The following SPHKAP variants were observed in gnomAD, a reference collection of about 807,000 sequenced individuals.
SPHKAP encodes A-kinase anchor protein SPHKAP.
A neutral mutation model predicts 137.5 loss-of-function variants in SPHKAP; 67 were observed. The ratio of observed to expected loss-of-function variants is 0.49; its 90% CI spans 0.40 to 0.60. The LOEUF is 0.60. Ranked by LOEUF, SPHKAP falls within the 20% of genes least tolerant of loss-of-function variation. SPHKAP has a pLI of 0.00. For missense variants in SPHKAP, 2,097 were observed against 2,069.3 expected, an observed-to-expected ratio of 1.01 and a Z score of -0.26; for synonymous variants, 813 against 785.3, an observed-to-expected ratio of 1.04 and a Z score of -0.59.
At chr2:228,172,249 A>T (rs1296981319) in intron 1 of SPHKAP, among the ~76,000 whole-genome samples, 2 of 152,216 alleles carry the variant, frequency 1.3e-5, no homozygotes, top group Non-Finnish European at 2.9e-5. Context: ...AAATAGCAGC[A>T]GCTAGATTGT....
At chr2:228,105,126 G>A (rs999975522) in intron 3 of SPHKAP, among the ~76,000 whole-genome samples, 2 of 152,068 alleles carry the variant, frequency 1.3e-5, no homozygotes, top group Admixed American at 6.5e-5. Context: ...GCACCACTAT[G>A]CCCAGCTAAG....
At chr2:228,037,297 C>A (rs559488338) in intron 3 of SPHKAP, among the ~76,000 whole-genome samples, 11 of 152,262 alleles carry the variant, frequency 7.2e-5, no homozygotes, top group Admixed American at 5.2e-4. Flanking sequence ...GTTGACTGGG[C>A]ATCAAAGAGG....
intron 3 of SPHKAP, among the ~76,000 whole-genome samples, chr2:228,070,767 G>T (rs1011074915): frequency 6.6e-6 from 1 of 152,082 alleles, no homozygotes; most frequent in Non-Finnish European, 1.5e-5. Context: ...TGATTTTCAT[G>T]AAGTTCTTTT....
intron 1 of SPHKAP, among the ~76,000 whole-genome samples, chr2:228,170,943 GA>G (rs1700566058): frequency 6.6e-6 from 1 of 152,026 alleles, no homozygotes; most frequent in Non-Finnish European, 1.5e-5. Context: ...ATTATAATAA[GA>G]GGTCAATATC....
chr2:228,117,403 C>T (rs1274989187), intron 2 of SPHKAP, among the ~76,000 whole-genome samples: 1 of 152,050 alleles, frequency 6.6e-6, no homozygotes. Context: ...GGGCATCACT[C>T]AGAGGAGACT....
intron 3 of SPHKAP, among the ~76,000 whole-genome samples, chr2:228,059,242 C>T (rs901816723): frequency 6.6e-6 from 1 of 152,132 alleles, no homozygotes; most frequent in Non-Finnish European, 1.5e-5. Context: ...AATTTTCATT[C>T]CACTCGATTA....
intron 7 of SPHKAP, among the ~76,000 whole-genome samples, chr2:228,001,475 A>G (rs1218006542): frequency 6.9e-6 from 1 of 143,982 alleles, no homozygotes; most frequent in Non-Finnish European, 1.5e-5. Context: ...GTATATATAA[A>G]AATATATATA....
intron 3 of SPHKAP, among the ~76,000 whole-genome samples, chr2:228,079,319 C>T (rs968271424): frequency 1.3e-5 from 2 of 152,216 alleles, no homozygotes; most frequent in Admixed American, 1.3e-4. Flanking sequence ...CACTCACCTC[C>T]TGTTGCATGG....
In SPHKAP at chr2:228,120,308, C is replaced by T. The variant is rs1470601590; in HGVS notation, c.139-11369G>A. On this transcript the variant is annotated intron_variant, in intron 2 of 11. Transcript: ENST00000392056. Reference sequence around the variant, plus strand: ...TAGGAGAGTCCTTATCTATGAAATGCTTTTTGCAATATATACCTGGTCTAA... The same window carrying T: ...TAGGAGAGTCCTTATCTATGAAATGTTTTTTGCAATATATACCTGGTCTAA... Among the ~76,000 whole-genome samples, 3 of 152,214 alleles carry T rather than the reference C, an allele frequency of 2.0e-5. No individual in the cohort carries two copies. In the East Asian group the frequency reaches 5.8e-4, roughly 29 times the overall value.
At chr2:228,157,806 T>C (rs1201392874) in intron 1 of SPHKAP, among the ~76,000 whole-genome samples, 1 of 152,164 alleles carries the variant, frequency 6.6e-6, no homozygotes, top group African/African-American at 2.4e-5. Flanking sequence ...GGCAAAATAT[T>C]TTCAGACTGT....
At chr2:228,149,576 G>A (rs1012639497) in intron 1 of SPHKAP, among the ~76,000 whole-genome samples, 11 of 152,164 alleles carry the variant, frequency 7.2e-5, no homozygotes, top group African/African-American at 2.7e-4. Flanking sequence ...TAGGGAAGAA[G>A]GAGCAACCAT....
intron 11 of SPHKAP, among the ~76,000 whole-genome samples, chr2:227,984,960 C>A (rs527595598): frequency 6.6e-6 from 1 of 152,280 alleles, no homozygotes; most frequent in South Asian, 2.1e-4. Context: ...CAACTTTTAT[C>A]TCTGAGTCAT....
chr2:227,982,051 A>ATTTTTT (rs3082640), intron 11 of SPHKAP, 191 bp from the exon 12 acceptor site: 3 of 860,744 alleles, frequency 3.5e-6, no homozygotes, highest in Non-Finnish European at 2.8e-6. Flanking sequence ...CATCAAGTGA[A>ATTTTTT]TTTTTTTTTT....
chr2:228,070,114 C>T (rs1696959201), intron 3 of SPHKAP, among the ~76,000 whole-genome samples: 2 of 152,322 alleles, frequency 1.3e-5, no homozygotes, highest in South Asian at 4.1e-4. Flanking sequence ...AAAAAATCCA[C>T]ATATAACTTT....
intron 1 of SPHKAP, among the ~76,000 whole-genome samples, chr2:228,159,538 C>T (rs1330088626): frequency 6.6e-6 from 1 of 151,940 alleles, no homozygotes; most frequent in Non-Finnish European, 1.5e-5. Flanking sequence ...AGGTGGCTCC[C>T]GGGTCTTTAA....
rs1369676133 is a variant in SPHKAP, at chr2:228,017,870, T to C, written c.2984A>G (p.His995Arg). Residue 995 changes from histidine to arginine, a missense_variant, in exon 7 of 12, where the codon CAC (histidine) becomes CGC (arginine). Coordinates refer to ENST00000392056, the MANE Select transcript of SPHKAP (RefSeq NM_001142644.2). ...GATCTCACTGAGCCGGGGAGGCTTG[T>C]GTTTCCTCACAGCGGTCCCGCTCCC... ...SQGSGTAVRK[H>R]KPPRLSEIKR... 7 of 1,613,928 alleles carry C rather than the reference T, an allele frequency of 4.3e-6. No individual in the cohort carries two copies. The highest frequency in any genetic ancestry group is 5.9e-6 in the Non-Finnish European group (7 of 1,179,988).
chr2:228,092,430 T>C (rs1400479927), intron 3 of SPHKAP, among the ~76,000 whole-genome samples: 1 of 119,508 alleles, frequency 8.4e-6, no homozygotes, highest in African/African-American at 3.3e-5. Flanking sequence ...TATACATATA[T>C]GTATATATGT....
chr2:228,129,802 T>C (rs1042675629), intron 2 of SPHKAP, among the ~76,000 whole-genome samples: 5 of 149,866 alleles, frequency 3.3e-5, no homozygotes, highest in African/African-American at 4.9e-5. Flanking sequence ...TTTTTTCTTT[T>C]TTTTTTTTTT....
chr2:228,042,853 T>C lies in SPHKAP; in HGVS notation c.247-15310A>G, dbSNP rs1054713911. ...AATGTTATTTTGTTTTTCAGGGCTATGGAACATTTAATTAAGAAAAGACTT... is the reference window on the plus strand; with the variant it reads ...AATGTTATTTTGTTTTTCAGGGCTACGGAACATTTAATTAAGAAAAGACTT... On this transcript the variant is annotated intron_variant, in intron 3 of 11. Coordinates refer to ENST00000392056, the MANE Select transcript of SPHKAP (RefSeq NM_001142644.2). Among the ~76,000 whole-genome samples, 18 of 152,336 alleles carry C rather than the reference T, an allele frequency of 1.2e-4. 1 individual carries two copies. Among genetic ancestry groups the C allele is most frequent in the African/African-American group, 3.6e-4 (15 of 41,576 alleles).
Sources: gnomAD v4.1 joint callset for allele counts (sites outside exome capture counted in the v4.1 genomes callset) on GRCh38, gnomAD v4.1.1 for gene constraint, MANE v1.5 for transcripts, NCBI Gene and HGNC (gene_info 2026-07-23, HGNC 2026-07-21) for gene names.